GRID2: variants seen among roughly 807,000 people sequenced by gnomAD.
GRID2 encodes glutamate receptor ionotropic, delta-2.
A neutral mutation model predicts 114.8 loss-of-function variants in GRID2; 33 were observed. The observed-to-expected ratio is 0.29, with a 90% CI of 0.22 to 0.38. GRID2 has a LOEUF of 0.38. GRID2 is among the 10% of genes least tolerant of loss of function. The pLI, the probability that GRID2 is intolerant of heterozygous loss-of-function variation, is 1.00. For missense variants in GRID2, 1,184 were observed against 1,257.7 expected (o/e 0.94, Z 0.89); for synonymous variants, 505 against 449.9 (o/e 1.12, Z -1.55).
chr4:92,710,475 A>G (rs371430962), intron 2 of GRID2, among the ~76,000 whole-genome samples: 1 of 152,220 alleles, frequency 6.6e-6, no homozygotes, highest in South Asian at 2.1e-4. Context: ...TTTTTCTTCT[A>G]TCAGATAAAC....
At chr4:93,350,584 A>T (rs7667303) in intron 8 of GRID2, among the ~76,000 whole-genome samples, 3,730 of 151,192 alleles carry the variant, frequency 0.025, 53 homozygotes, top group South Asian at 0.045. Flanking sequence ...TATTTTTTTT[A>T]AAAAAAATCC....
chr4:92,474,450 G>C (rs980243603), intron 1 of GRID2, among the ~76,000 whole-genome samples: 1 of 152,014 alleles, frequency 6.6e-6, no homozygotes, highest in East Asian at 1.9e-4. Flanking sequence ...CCACATTTTA[G>C]GTATTGTGAA....
intron 1 of GRID2, among the ~76,000 whole-genome samples, chr4:92,397,508 A>T (rs907744396): frequency 6.6e-6 from 1 of 152,062 alleles, no homozygotes; most frequent in African/African-American, 2.4e-5. Flanking sequence ...ACTATTGGAA[A>T]ATTGAAGATC....
chr4:93,230,377 G>A (rs912954262), intron 7 of GRID2, among the ~76,000 whole-genome samples: 1 of 151,810 alleles, frequency 6.6e-6, no homozygotes, highest in African/African-American at 2.4e-5. Context: ...TTTACGTATT[G>A]GCATAGACTT....
chr4:93,543,892 G>A (rs1185678256), intron 13 of GRID2, among the ~76,000 whole-genome samples: 1 of 152,162 alleles, frequency 6.6e-6, no homozygotes, highest in Non-Finnish European at 1.5e-5. Context: ...TGCAGATGCT[G>A]TTATAAGAAC....
chr4:93,023,846 A>G (rs1164179790), intron 2 of GRID2, among the ~76,000 whole-genome samples: 3 of 151,908 alleles, frequency 2.0e-5, no homozygotes, highest in African/African-American at 7.2e-5. Flanking sequence ...AAGAAATAAT[A>G]GAGCACCTGT....
chr4:93,656,916 G>C (rs562469269), intron 14 of GRID2, among the ~76,000 whole-genome samples: 1 of 140,664 alleles, frequency 7.1e-6, no homozygotes, highest in African/African-American at 2.6e-5. Context: ...ATTTTTTCTT[G>C]AGACTTTTTA....
At chr4:92,625,554 A>G (rs889021023) in intron 2 of GRID2, among the ~76,000 whole-genome samples, 2 of 151,876 alleles carry the variant, frequency 1.3e-5, no homozygotes, top group Non-Finnish European at 2.9e-5. Flanking sequence ...CACAGGCTTT[A>G]TATCAAGAAA....
intron 8 of GRID2, among the ~76,000 whole-genome samples, chr4:93,342,089 G>C (rs1015829184): frequency 2.0e-5 from 3 of 152,032 alleles, no homozygotes; most frequent in Non-Finnish European, 2.9e-5. Context: ...CTGTGAGATA[G>C]CATCTTATAC....
chr4:92,453,357 A>T (rs1189078711), intron 1 of GRID2, among the ~76,000 whole-genome samples: 1 of 152,182 alleles, frequency 6.6e-6, no homozygotes, highest in East Asian at 1.9e-4. Flanking sequence ...TACATCTTTT[A>T]GAAATGGACC....
chr4:93,591,707 G>A (rs949145728), intron 13 of GRID2, among the ~76,000 whole-genome samples: 3 of 151,972 alleles, frequency 2.0e-5, no homozygotes, highest in African/African-American at 7.2e-5. Flanking sequence ...TGGTTGGTAA[G>A]GTATTGATTA....
chr4:93,464,885 T>C (rs2149425603), intron 11 of GRID2, among the ~76,000 whole-genome samples: 1 of 152,332 alleles, frequency 6.6e-6, no homozygotes, highest in South Asian at 2.1e-4. Flanking sequence ...GCTTCAGTTG[T>C]TTTCTAGCAG....
intron 2 of GRID2, among the ~76,000 whole-genome samples, chr4:92,954,226 TAC>T (rs1286121246): frequency 2.0e-5 from 3 of 151,802 alleles, no homozygotes; most frequent in Non-Finnish European, 2.9e-5. Flanking sequence ...CACAAACATA[TAC>T]ACACACATAT....
At chr4:93,427,351 T>C (rs528418835) in intron 10 of GRID2, among the ~76,000 whole-genome samples, 1 of 152,136 alleles carries the variant, frequency 6.6e-6, no homozygotes, top group East Asian at 1.9e-4. Flanking sequence ...TTATTATATC[T>C]TCTGATAATA....
intron 8 of GRID2, among the ~76,000 whole-genome samples, chr4:93,251,695 G>T (rs1331364020): frequency 2.0e-5 from 3 of 152,010 alleles, no homozygotes; most frequent in Non-Finnish European, 4.4e-5. Flanking sequence ...TCCAGTATGT[G>T]TCGTTCCCCT....
chr4:92,894,247 G>A (rs988166137), intron 2 of GRID2, among the ~76,000 whole-genome samples: 10 of 152,198 alleles, frequency 6.6e-5, no homozygotes, highest in South Asian at 2.1e-4. Flanking sequence ...CTCCTTTACC[G>A]TGTTATGGTG....
intron 2 of GRID2, among the ~76,000 whole-genome samples, chr4:93,008,251 CTA>C (rs1430347309): frequency 3.3e-5 from 5 of 151,906 alleles, no homozygotes; most frequent in Non-Finnish European, 7.4e-5. Flanking sequence ...GGGAGGATTT[CTA>C]TATTAAAATA....
At chr4:92,690,668 C>A (rs1038128523) in intron 2 of GRID2, among the ~76,000 whole-genome samples, 1 of 152,048 alleles carries the variant, frequency 6.6e-6, no homozygotes, top group Non-Finnish European at 1.5e-5. Flanking sequence ...ACAAATTATA[C>A]CTGTATATAA....
At chr4:92,916,053 G>C (rs1748765839) in intron 2 of GRID2, among the ~76,000 whole-genome samples, 1 of 152,032 alleles carries the variant, frequency 6.6e-6, no homozygotes, top group Non-Finnish European at 1.5e-5. Context: ...TCTTTGCGAT[G>C]CGTAAACTCT....
Sources: allele counts gnomAD v4.1 joint callset (sites outside exome capture counted in the v4.1 genomes callset), GRCh38; gene constraint gnomAD v4.1.1; transcripts MANE v1.5; gene names NCBI Gene and HGNC (gene_info 2026-07-23, HGNC 2026-07-21).